YWHAE: variants seen among roughly 807,000 people sequenced by gnomAD.
YWHAE encodes tyrosine 3-monooxygenase/tryptophan 5-monooxygenase activation protein epsilon.
Under a neutral mutation model 30.1 loss-of-function variants are expected in YWHAE, and 4 were observed. The ratio of observed to expected loss-of-function variants is 0.13; its 90% CI spans 0.07 to 0.30. YWHAE has a LOEUF of 0.30. Ranked by LOEUF, YWHAE falls within the 10% of genes least tolerant of loss-of-function variation. YWHAE has a pLI of 1.00. For synonymous variants in YWHAE, 118 were observed against 111.8 expected, an observed-to-expected ratio of 1.06 and a Z score of -0.35; for missense variants, 121 against 315.9, an observed-to-expected ratio of 0.38 and a Z score of 4.68.
intron 1 of YWHAE, among the ~76,000 whole-genome samples, chr17:1,387,576 T>C (rs1031987202): frequency 6.6e-6 from 1 of 152,134 alleles, no homozygotes; most frequent in Admixed American, 6.5e-5. Flanking sequence ...TTTAAGAAGT[T>C]TGACATGTTT....
intron 1 of YWHAE, among the ~76,000 whole-genome samples, chr17:1,373,859 G>C (rs183105388): frequency 1.3e-5 from 2 of 152,164 alleles, no homozygotes; most frequent in Admixed American, 1.3e-4. Flanking sequence ...TACGAACAGA[G>C]CCATACAGTA....
At chr17:1,368,402 A>T (rs1262674885) in intron 1 of YWHAE, among the ~76,000 whole-genome samples, 1 of 151,730 alleles carries the variant, frequency 6.6e-6, no homozygotes, top group African/African-American at 2.4e-5. Flanking sequence ...AAAGAAAAAG[A>T]AAAATACAAA....
At chr17:1,353,310 C>G (rs182037974) in intron 5 of YWHAE, among the ~76,000 whole-genome samples, 1 of 151,658 alleles carries the variant, frequency 6.6e-6, no homozygotes, top group East Asian at 1.9e-4. Context: ...TGGTGGCAGG[C>G]ACCTGTAGTC....
At chr17:1,399,908 G>A (rs2073541537) in intron 1 of YWHAE, 139 bp downstream of exon 1, 11 of 1,013,540 alleles carry the variant, frequency 1.1e-5, no homozygotes, top group African/African-American at 1.6e-5. Context: ...GGAGCTCCCA[G>A]GCCATTTCCT....
chr17:1,399,120 T>C (rs1288014990), intron 1 of YWHAE: 1 of 152,118 alleles, frequency 6.6e-6, no homozygotes, highest in Non-Finnish European at 1.5e-5. Flanking sequence ...TGTAAAGTCA[T>C]CGTTTTTACA....
intron 5 of YWHAE, among the ~76,000 whole-genome samples, chr17:1,346,524 C>T (rs1392908527): frequency 3.9e-5 from 6 of 152,184 alleles, no homozygotes; most frequent in South Asian, 4.1e-4. Context: ...AGCATTTACA[C>T]TGAGTACAGC....
Position 1,351,406 on chromosome 17 carries a change from G to GA in YWHAE, c.715+2804dup, listed in dbSNP as rs546997928. On this transcript the variant is annotated intron_variant, in intron 5 of 5. Transcript: ENST00000264335. ...AAAAAAAAAATAAAACACACACACA[G>GA]AAAAAACTTTCAAGTCAGGTCACTT... Among the ~76,000 whole-genome samples, 655 of 151,802 alleles carry GA rather than the reference G, an allele frequency of 4.3e-3. 5 individuals carry two copies. The highest frequency in any genetic ancestry group is 6.8e-3 in the Non-Finnish European group (460 of 67,922).
At chr17:1,390,803 CCAA>C (rs766812681) in intron 1 of YWHAE, among the ~76,000 whole-genome samples, 5 of 152,118 alleles carry the variant, frequency 3.3e-5, no homozygotes, top group Non-Finnish European at 4.4e-5. Context: ...ATCAAGCCCA[CCAA>C]CAACAGATCC....
At chr17:1,355,188 GCT>G (rs1389497254) in intron 4 of YWHAE, among the ~76,000 whole-genome samples, 2 of 104,420 alleles carry the variant, frequency 1.9e-5, no homozygotes. Flanking sequence ...ACGGGGTCTC[GCT>G]CTATCACCCA....
At chr17:1,372,193 A>G (rs1343676878) in intron 1 of YWHAE, among the ~76,000 whole-genome samples, 1 of 152,124 alleles carries the variant, frequency 6.6e-6, no homozygotes, top group East Asian at 1.9e-4. Context: ...CTTACTAACC[A>G]ACCTCTGCTA....
chr17:1,389,882 C>T (rs1381425923), intron 1 of YWHAE, among the ~76,000 whole-genome samples: 1 of 139,850 alleles, frequency 7.2e-6, no homozygotes, highest in Non-Finnish European at 1.6e-5. Context: ...TTGCTCTTGT[C>T]GCCCAGGCTG....
At chr17:1,394,455 A>AAAAAAAAAAAAAAAAAAAAAC (rs1567987871) in intron 1 of YWHAE, among the ~76,000 whole-genome samples, 1 of 149,118 alleles carries the variant, frequency 6.7e-6, no homozygotes, top group African/African-American at 2.5e-5. Context: ...AAAAAAAAAA[A>AAAAAAAAAAAAAAAAAAAAAC]AAAAAACACA....
intron 1 of YWHAE, among the ~76,000 whole-genome samples, chr17:1,380,182 C>T (rs1394872548): frequency 2.7e-5 from 4 of 149,798 alleles, no homozygotes; most frequent in Admixed American, 6.7e-5. Flanking sequence ...GGCACGATCT[C>T]GGCTCACTGC....
At chr17:1,388,572 GCC>G (rs1399853195) in intron 1 of YWHAE, among the ~76,000 whole-genome samples, 1 of 97,840 alleles carries the variant, frequency 1.0e-5, no homozygotes, top group African/African-American at 5.3e-5. Context: ...ACCATGCCCA[GCC>G]TTTTTTTTTT....
chr17:1,347,427 T>C (rs1292624567), intron 5 of YWHAE, among the ~76,000 whole-genome samples: 3 of 151,412 alleles, frequency 2.0e-5, no homozygotes, highest in African/African-American at 7.3e-5. Flanking sequence ...ATTTCTGCAG[T>C]GAGCTTTGAA....
intron 1 of YWHAE, among the ~76,000 whole-genome samples, chr17:1,382,506 A>G (rs62087952): frequency 0.076 from 11,397 of 149,856 alleles, 492 homozygotes; most frequent in African/African-American, 0.11. Context: ...ACAGGCGCCC[A>G]CCACCAGGCC....
At chr17:1,364,752 T>C in intron 2 of YWHAE, 107 bp downstream of exon 2, 4 of 1,285,330 alleles carry the variant, frequency 3.1e-6, no homozygotes, top group South Asian at 2.7e-5. Context: ...CATACTGTAA[T>C]ACAAGTTATA....
intron 4 of YWHAE, among the ~76,000 whole-genome samples, chr17:1,356,441 G>T (rs1429587866): frequency 6.6e-6 from 1 of 152,172 alleles, no homozygotes; most frequent in Non-Finnish European, 1.5e-5. Flanking sequence ...TAAAGGGAAA[G>T]TCAAATTTGA....
rs1038500363 is a variant in YWHAE, at chr17:1,361,889, G to C, written c.371+13C>G. ...TTTCAATCTTACATTTTCCCTTCTA[G>C]TATAGAACCTACATTTTATAATAGA... On this transcript the variant is annotated intron_variant, in intron 3 of 5. Coordinates refer to ENST00000264335, the MANE Select transcript of YWHAE (RefSeq NM_006761.5). 34 of 1,560,460 alleles carry C rather than the reference G, an allele frequency of 2.2e-5. No individual in the cohort carries two copies. The highest frequency in any genetic ancestry group is 2.8e-5 in the Non-Finnish European group (32 of 1,150,714).
Sources: gnomAD v4.1 joint callset for allele counts (sites outside exome capture counted in the v4.1 genomes callset) on GRCh38, gnomAD v4.1.1 for gene constraint, MANE v1.5 for transcripts, NCBI Gene and HGNC (gene_info 2026-07-23, HGNC 2026-07-21) for gene names.